Variants in AKAP19 observed in about 807,000 individuals in gnomAD.
The protein encoded by AKAP19 is small A-kinase anchoring protein.
chr2:190,143,282 A>AG, the AKAP19 span, among the ~76,000 whole-genome samples: 3 of 23,810 alleles, frequency 1.3e-4, no homozygotes, highest in Admixed American at 7.4e-4. Flanking sequence ...TTTATCCTGT[A>AG]GGAAAAAAAA....
At chr2:190,119,241 A>G in the AKAP19 span, among the ~76,000 whole-genome samples, 8 of 152,230 alleles carry the variant, frequency 5.3e-5, no homozygotes, top group African/African-American at 1.9e-4. Flanking sequence ...AAGAGAAGGC[A>G]GAAGGAAGAG....
the AKAP19 span, among the ~76,000 whole-genome samples, chr2:189,958,522 C>CAT: frequency 0.15 from 20,925 of 143,558 alleles, 1,880 homozygotes; most frequent in Non-Finnish European, 0.21. Flanking sequence ...ACACACATAA[C>CAT]ATATATATAT....
chr2:190,123,121 G>A, the AKAP19 span, among the ~76,000 whole-genome samples: 1 of 151,904 alleles, frequency 6.6e-6, no homozygotes, highest in African/African-American at 2.4e-5. Context: ...ACTAAATATA[G>A]AATATTCAAG....
chr2:190,051,979 A>G, the AKAP19 span, among the ~76,000 whole-genome samples: 4 of 151,952 alleles, frequency 2.6e-5, no homozygotes, highest in African/African-American at 9.7e-5. Flanking sequence ...CTGGGACTAC[A>G]GGCGCCCGCC....
the AKAP19 span, among the ~76,000 whole-genome samples, chr2:190,157,393 C>CACACACACACACATAT: frequency 1.3e-5 from 2 of 149,236 alleles, no homozygotes; most frequent in Non-Finnish European, 3.0e-5. Flanking sequence ...CACACACACA[C>CACACACACACACATAT]ATATCACAGG....
the AKAP19 span, among the ~76,000 whole-genome samples, chr2:190,174,035 C>G: frequency 6.6e-6 from 1 of 152,162 alleles, no homozygotes; most frequent in African/African-American, 2.4e-5. Context: ...CCCACCAAAA[C>G]TACTCACCCT....
At chr2:189,988,325 G>A in the AKAP19 span, among the ~76,000 whole-genome samples, 2 of 152,218 alleles carry the variant, frequency 1.3e-5, no homozygotes, top group Non-Finnish European at 2.9e-5. Flanking sequence ...GGAAGGGGAA[G>A]TTGCAAATCT....
chr2:190,060,592 T>A, the AKAP19 span, among the ~76,000 whole-genome samples: 1 of 152,014 alleles, frequency 6.6e-6, no homozygotes, highest in African/African-American at 2.4e-5. Flanking sequence ...CTCAAAAAAA[T>A]GTCAAAGAAA....
At chr2:190,195,563 C>T in the AKAP19 span, among the ~76,000 whole-genome samples, 31 of 152,316 alleles carry the variant, frequency 2.0e-4, no homozygotes, top group Admixed American at 5.2e-4. Flanking sequence ...AGAAGACTTC[C>T]GTGAGGTGTC....
the AKAP19 span, among the ~76,000 whole-genome samples, chr2:189,922,523 A>T: frequency 4.9e-4 from 75 of 152,346 alleles, no homozygotes; most frequent in African/African-American, 1.8e-3. Flanking sequence ...GCCTACTCAC[A>T]AAAATTTGCT....
chr2:189,905,405 T>C, the AKAP19 span, among the ~76,000 whole-genome samples: 1 of 152,000 alleles, frequency 6.6e-6, no homozygotes, highest in Non-Finnish European at 1.5e-5. Context: ...AAGTATGTAG[T>C]TGGGACAAGT....
chr2:190,005,162 G>A, the AKAP19 span, among the ~76,000 whole-genome samples: 3 of 152,284 alleles, frequency 2.0e-5, no homozygotes, highest in South Asian at 2.1e-4. Context: ...GACCCAAAGA[G>A]TCAGCAGCAG....
chr2:190,069,181 A>T, the AKAP19 span, among the ~76,000 whole-genome samples: 3,474 of 146,910 alleles, frequency 0.024, 156 homozygotes, highest in East Asian at 0.17. Context: ...TGTGTGAGAG[A>T]GAGAGAGAGA....
the AKAP19 span, among the ~76,000 whole-genome samples, chr2:189,929,537 T>C: frequency 1.5e-5 from 2 of 135,586 alleles, no homozygotes; most frequent in East Asian, 2.2e-4. Flanking sequence ...CCCACTGTAA[T>C]AGAGTTGGTT....
the AKAP19 span, among the ~76,000 whole-genome samples, chr2:190,101,397 C>G: frequency 6.6e-6 from 1 of 152,206 alleles, no homozygotes; most frequent in African/African-American, 2.4e-5. Context: ...GCTGGGTACC[C>G]TATCCTGCTC....
At chr2:190,038,959 TTCTTCTTCTTCTTTC>T in the AKAP19 span, among the ~76,000 whole-genome samples, 6 of 145,754 alleles carry the variant, frequency 4.1e-5, no homozygotes, top group African/African-American at 1.3e-4. Context: ...CTTCTTCTTC[TTCTTCTTCTTCTTTC>T]TTCTTCTTCT....
chr2:190,166,550 C>T, the AKAP19 span, among the ~76,000 whole-genome samples: 64 of 151,950 alleles, frequency 4.2e-4, no homozygotes, highest in East Asian at 0.012. Flanking sequence ...AAACCAAATC[C>T]TGCAATGTAT....
At chr2:190,194,477 TACACACACACACACACAC>T in the AKAP19 span, among the ~76,000 whole-genome samples, 29 of 141,370 alleles carry the variant, frequency 2.1e-4, no homozygotes, top group African/African-American at 5.1e-4. Flanking sequence ...ATCCTGTGTA[TACACACACACACACACAC>T]ACACACACAC....
At chr2:190,088,671 A>G in the AKAP19 span, among the ~76,000 whole-genome samples, 1 of 152,222 alleles carries the variant, frequency 6.6e-6, no homozygotes, top group African/African-American at 2.4e-5. Flanking sequence ...CTTCGGCAAA[A>G]TTGAGTTTTA....
Sources: gnomAD v4.1 joint callset for allele counts (sites outside exome capture counted in the v4.1 genomes callset) on GRCh38, gnomAD v4.1.1 for gene constraint, MANE v1.5 for transcripts, NCBI Gene and HGNC (gene_info 2026-07-23, HGNC 2026-07-21) for gene names.